The following MYH15 variants were observed in gnomAD, a reference collection of about 807,000 sequenced individuals.
MYH15 encodes myosin heavy chain 15, also known as myosin-15.
In MYH15, 227 loss-of-function variants were observed where a neutral mutation model predicts 240.5. The observed-to-expected ratio is 0.94, with a 90% confidence interval of 0.85 to 1.05. The LOEUF (loss-of-function observed/expected upper bound fraction) is 1.05, where lower values mean the gene tolerates loss of function less well. Ranked by LOEUF, MYH15 falls within the 50% of genes least tolerant of loss-of-function variation. The pLI is 0.00. For missense variants in MYH15, 2,217 were observed against 2,247.5 expected, an observed-to-expected ratio of 0.99 and a Z score of 0.27; for synonymous variants, 785 against 796.7, an observed-to-expected ratio of 0.99 and a Z score of 0.25.
At chr3:108,395,344 G>A (rs143522973) in intron 35 of MYH15, among the ~76,000 whole-genome samples, 10 of 152,288 alleles carry the variant, frequency 6.6e-5, no homozygotes, top group African/African-American at 2.4e-4. Context: ...ATGGCATGAA[G>A]CATCTTTATC....
intron 1 of MYH15, among the ~76,000 whole-genome samples, chr3:108,507,823 A>G (rs1417062262): frequency 1.3e-5 from 2 of 152,062 alleles, no homozygotes; most frequent in Non-Finnish European, 2.9e-5. Flanking sequence ...CCTTTTTGCA[A>G]AAACTGATTT....
At chr3:108,398,959 AAGATT>A in intron 34 of MYH15, 111 bp downstream of exon 34, 1 of 1,457,824 alleles carries the variant, frequency 6.9e-7, no homozygotes, top group South Asian at 1.2e-5. Context: ...TCTCTCTGGA[AAGATT>A]AGATTTGTTG....
At chr3:108,418,770 T>TG (rs397799148) in intron 28 of MYH15, among the ~76,000 whole-genome samples, 5 of 146,962 alleles carry the variant, frequency 3.4e-5, no homozygotes, top group African/African-American at 1.3e-4. Flanking sequence ...TTGTTGTTGT[T>TG]TTGTTTTTTG....
chr3:108,392,028 G>A (rs936114710), intron 36 of MYH15, 98 bp from the exon 37 acceptor site: 136 of 1,321,270 alleles, frequency 1.0e-4, no homozygotes, highest in Admixed American at 5.6e-4. Context: ...TGGCTGCCAC[G>A]CCTTGCCTCT....
chr3:108,458,267 C>T lies in MYH15; in HGVS notation c.2020+1095G>A, dbSNP rs2083040880. The stretch of plus-strand genomic sequence containing the variant: ...GCAACTCTAATAGGTAACAGAATTG[C>T]TCCAAAATAGAACTCAGCTAATTAG... On this transcript the variant is annotated intron_variant, in intron 18 of 40. Coordinates refer to ENST00000693548, the MANE Select transcript of MYH15 (RefSeq NM_014981.3). Among the ~76,000 whole-genome samples the T allele has an allele frequency of 1.3e-5, 2 of 152,182 alleles. 1 individual carries two copies. The highest frequency in any genetic ancestry group is 4.1e-4 in the South Asian group (2 of 4,820).
At chr3:108,393,764 A>G (rs2082438674) in intron 36 of MYH15, among the ~76,000 whole-genome samples, 1 of 152,278 alleles carries the variant, frequency 6.6e-6, no homozygotes, top group Non-Finnish European at 1.5e-5. Context: ...TGGCTTAACC[A>G]AAACAAAAGA....
chr3:108,449,956 G>GA (rs2082959243), intron 21 of MYH15, among the ~76,000 whole-genome samples: 1 of 151,882 alleles, frequency 6.6e-6, no homozygotes, highest in Non-Finnish European at 1.5e-5. Context: ...AATAATATAT[G>GA]AAAAAATGTT....
At chr3:108,428,986 T>C (rs2082752866) in intron 26 of MYH15, 105 bp from the exon 27 acceptor site, 9 of 1,173,770 alleles carry the variant, frequency 7.7e-6, no homozygotes, top group Non-Finnish European at 9.5e-6. Context: ...GTTCCCAATT[T>C]ACAACTAAAG....
At chr3:108,432,829 T>C (rs1280459750) in intron 25 of MYH15, among the ~76,000 whole-genome samples, 2 of 152,224 alleles carry the variant, frequency 1.3e-5, no homozygotes, top group East Asian at 3.9e-4. Context: ...ATTTCAGATG[T>C]ATGGAAATGC....
chr3:108,519,866 T>C (rs1403937900), intron 1 of MYH15, among the ~76,000 whole-genome samples: 1 of 152,192 alleles, frequency 6.6e-6, no homozygotes, highest in Admixed American at 6.5e-5. Flanking sequence ...ATAGCATTAT[T>C]TTCATCGATT....
At chr3:108,477,062 GA>G (rs905045208) in intron 11 of MYH15, among the ~76,000 whole-genome samples, 20 of 152,274 alleles carry the variant, frequency 1.3e-4, no homozygotes, top group African/African-American at 4.8e-4. Context: ...CAAAAGGTGG[GA>G]AAAAGTGAAA....
At chr3:108,421,056 T>C (rs759046308) in intron 28 of MYH15, 32 bp downstream of exon 28, 4 of 1,612,894 alleles carry the variant, frequency 2.5e-6, no homozygotes, top group East Asian at 2.2e-5. Context: ...GGATTGAGAA[T>C]TGCCTATGAG....
intron 38 of MYH15, among the ~76,000 whole-genome samples, chr3:108,387,593 G>T (rs1427140456): frequency 2.1e-5 from 3 of 145,768 alleles, no homozygotes; most frequent in Non-Finnish European, 3.1e-5. Flanking sequence ...AAAACAATAA[G>T]AAGAATCAAT....
At chr3:108,433,128 C>T (rs2082794746) in intron 25 of MYH15, among the ~76,000 whole-genome samples, 1 of 152,172 alleles carries the variant, frequency 6.6e-6, no homozygotes, top group African/African-American at 2.4e-5. Flanking sequence ...AGGATCTGCC[C>T]AAGACAATGG....
intron 4 of MYH15, among the ~76,000 whole-genome samples, chr3:108,499,692 T>C (rs1188714797): frequency 1.3e-5 from 2 of 152,152 alleles, no homozygotes; most frequent in Admixed American, 6.5e-5. Context: ...TAAGAACATA[T>C]AAAGGCCTAC....
chr3:108,385,899 A>G (rs2107532602), intron 38 of MYH15, among the ~76,000 whole-genome samples: 2 of 152,126 alleles, frequency 1.3e-5, no homozygotes, highest in South Asian at 4.1e-4. Context: ...ATCATCTGGA[A>G]TGCTCCCCCG....
At chr3:108,541,568 T>A in the MYH15 span, among the ~76,000 whole-genome samples, 1 of 152,100 alleles carries the variant, frequency 6.6e-6, no homozygotes, top group Non-Finnish European at 1.5e-5. Flanking sequence ...ATGGTAGCCA[T>A]GAAAAAGTTT....
chr3:108,533,569 G>A (rs1250118145), upstream of MYH15, among the ~76,000 whole-genome samples: 1 of 152,100 alleles, frequency 6.6e-6, no homozygotes, highest in African/African-American at 2.4e-5. Flanking sequence ...AGATACACTG[G>A]AATCTCCAAT....
the MYH15 span, among the ~76,000 whole-genome samples, chr3:108,541,274 T>C: frequency 6.6e-6 from 1 of 151,770 alleles, no homozygotes; most frequent in African/African-American, 2.4e-5. Context: ...ATTGCTCCTA[T>C]AAAATACTAA....
Sources: gnomAD v4.1 joint callset for allele counts (sites outside exome capture counted in the v4.1 genomes callset) on GRCh38, gnomAD v4.1.1 for gene constraint, MANE v1.5 for transcripts, NCBI Gene and HGNC (gene_info 2026-07-23, HGNC 2026-07-21) for gene names.